SOX5: variants seen among roughly 807,000 people sequenced by gnomAD.
SOX5 encodes SRY-box transcription factor 5, also known as transcription factor SOX-5.
In SOX5, 9 loss-of-function variants were observed where a neutral mutation model predicts 92.0. The ratio of observed to expected loss-of-function variants is 0.10; its 90% confidence interval spans 0.06 to 0.17. The LOEUF (loss-of-function observed/expected upper bound fraction) is 0.17, where lower values mean the gene tolerates loss of function less well. SOX5 is among the 10% of genes least tolerant of loss of function. The pLI is 1.00. For missense variants in SOX5, 642 were observed against 944.5 expected, an observed-to-expected ratio of 0.68 and a Z score of 4.20; for synonymous variants, 344 against 336.3, an observed-to-expected ratio of 1.02 and a Z score of -0.25.
At chr12:24,420,907 A>T (rs1965809557) in intron 1 of SOX5, among the ~76,000 whole-genome samples, 1 of 152,300 alleles carries the variant, frequency 6.6e-6, no homozygotes, top group East Asian at 1.9e-4. Context: ...GGAACATGCT[A>T]AACCACACCA....
rs185284831 is a variant in SOX5, at chr12:24,536,385, G to T, written c.-251+25944C>A. 3.0e-3 allele frequency among the ~76,000 whole-genome samples: 450 copies of T among 152,250 alleles called. 5 individuals carry two copies. The South Asian group carries it at 0.033, about 11-fold the overall frequency. ...GATCAAGGCATTTTACTATCAGACCGATTTAAGACCCTTCCCTTCAAAAGC... is the reference window on the plus strand; with the variant it reads ...GATCAAGGCATTTTACTATCAGACCTATTTAAGACCCTTCCCTTCAAAAGC... On this transcript the variant is annotated intron_variant, in intron 1 of 4. Transcript: ENST00000446891.
intron 1 of SOX5, among the ~76,000 whole-genome samples, chr12:24,457,394 T>C (rs1943139211): frequency 6.6e-6 from 1 of 152,190 alleles, no homozygotes; most frequent in South Asian, 2.1e-4. Context: ...CACAGTTAAA[T>C]GTGAGTTTCC....
intron 2 of SOX5, among the ~76,000 whole-genome samples, chr12:23,890,580 A>T (rs2097120565): frequency 6.6e-6 from 1 of 152,110 alleles, no homozygotes; most frequent in South Asian, 2.1e-4. Flanking sequence ...GTCACCATAG[A>T]GTTACCCCAG....
chr12:24,505,687 T>C (rs151104070), intron 1 of SOX5, among the ~76,000 whole-genome samples: 2 of 152,344 alleles, frequency 1.3e-5, no homozygotes, highest in East Asian at 3.9e-4. Context: ...TTTAATTTTA[T>C]GGGCAATTAT....
intron 1 of SOX5, among the ~76,000 whole-genome samples, chr12:24,371,792 A>G (rs2136268939): frequency 1.3e-5 from 2 of 152,350 alleles, no homozygotes; most frequent in Middle Eastern, 3.4e-3. Flanking sequence ...GTTCCAGACC[A>G]GCCTATCCAA....
At chr12:24,315,422 A>G (rs1481456771) in intron 2 of SOX5, among the ~76,000 whole-genome samples, 1 of 152,194 alleles carries the variant, frequency 6.6e-6, no homozygotes, top group Non-Finnish European at 1.5e-5. Context: ...AAGGGAAAAA[A>G]TACAGAAACT....
At chr12:24,521,200 G>A (rs781332714) in intron 1 of SOX5, among the ~76,000 whole-genome samples, 4 of 152,080 alleles carry the variant, frequency 2.6e-5, no homozygotes, top group South Asian at 2.1e-4. Flanking sequence ...GATTACAGGC[G>A]TTTGCCACCA....
At chr12:23,601,119 G>A (rs1024464926) in intron 9 of SOX5, among the ~76,000 whole-genome samples, 4 of 151,864 alleles carry the variant, frequency 2.6e-5, no homozygotes, top group Non-Finnish European at 4.4e-5. Flanking sequence ...TTTCTCTCTC[G>A]CGCACACACT....
intron 8 of SOX5, among the ~76,000 whole-genome samples, chr12:23,612,404 T>G (rs1428068477): frequency 6.6e-6 from 1 of 152,102 alleles, no homozygotes; most frequent in Non-Finnish European, 1.5e-5. Flanking sequence ...TAATCCTTTT[T>G]CATCCTCAGT....
chr12:24,480,074 T>C (rs1363732694), intron 1 of SOX5, among the ~76,000 whole-genome samples: 1 of 152,172 alleles, frequency 6.6e-6, no homozygotes, highest in Non-Finnish European at 1.5e-5. Flanking sequence ...GGTAATCGAA[T>C]GGAACAGAAT....
At position 23,970,841 on chromosome 12, in the gene SOX5, A is replaced by ATTTTTTTTTTTT. The variant is rs1555456188; in HGVS notation, c.-1-74829_-1-74818dup. ...ACATGGGACTTTATATATATATATA[A>ATTTTTTTTTTTT]TTTTTTTTTTTTTTTAAGAAATGGG... On this transcript the variant is annotated intron_variant, in intron 4 of 4. Transcript: ENST00000446891. 4.6e-4 allele frequency among the ~76,000 whole-genome samples: 10 copies of ATTTTTTTTTTTT among 21,884 alleles called. 3 individuals carry two copies. The highest frequency in any genetic ancestry group is 2.2e-3 in the South Asian group (1 of 454). 14.4% of individuals were successfully genotyped at this position (21,884 alleles called of 152,430 possible).
At chr12:23,854,975 A>G (rs557017858) in intron 2 of SOX5, among the ~76,000 whole-genome samples, 7 of 152,234 alleles carry the variant, frequency 4.6e-5, no homozygotes, top group Admixed American at 6.5e-5. Flanking sequence ...CAAGAGCTAT[A>G]TAAGTGTTTG....
intron 3 of SOX5, among the ~76,000 whole-genome samples, chr12:24,215,283 C>T (rs1959077642): frequency 6.6e-6 from 1 of 151,968 alleles, no homozygotes; most frequent in Admixed American, 6.6e-5. Context: ...GAAAAGGCAT[C>T]CAGGCTGGAA....
chr12:24,332,231 C>A (rs1427140935), intron 2 of SOX5, among the ~76,000 whole-genome samples: 1 of 152,096 alleles, frequency 6.6e-6, no homozygotes, highest in Non-Finnish European at 1.5e-5. Flanking sequence ...GAGGAAAAAA[C>A]CACGTTACCT....
chr12:23,561,461 G>T lies in SOX5; in HGVS notation c.1488+1797C>A, dbSNP rs145248900. 4.9e-3 allele frequency among the ~76,000 whole-genome samples: 742 copies of T among 152,274 alleles called. 5 individuals are homozygous for T. The highest frequency in any genetic ancestry group is 0.017 in the African/African-American group (720 of 41,546). On this transcript the variant is annotated intron_variant, in intron 11 of 14. Transcript: ENST00000451604. ...ACAACAGCTGATCTGTATTAGAGAAGATTAACTCACAGTGCCATGGTGGAA... is the reference window on the plus strand; with the variant it reads ...ACAACAGCTGATCTGTATTAGAGAATATTAACTCACAGTGCCATGGTGGAA...
At chr12:24,514,950 G>A (rs754755493) in intron 1 of SOX5, among the ~76,000 whole-genome samples, 5 of 152,096 alleles carry the variant, frequency 3.3e-5, no homozygotes, top group Non-Finnish European at 7.4e-5. Flanking sequence ...TGGGTACTAG[G>A]CTTAATACCT....
chr12:23,683,692 G>T (rs960954410), intron 6 of SOX5, among the ~76,000 whole-genome samples: 1 of 151,862 alleles, frequency 6.6e-6, no homozygotes, highest in African/African-American at 2.4e-5. Flanking sequence ...GCAATAGAAA[G>T]CTATTTCAAA....
intron 3 of SOX5, among the ~76,000 whole-genome samples, chr12:24,217,415 A>G (rs933298117): frequency 6.6e-6 from 1 of 152,236 alleles, no homozygotes; most frequent in Non-Finnish European, 1.5e-5. Context: ...TCTTCAATAA[A>G]TTATTCTGGG....
At chr12:23,793,559 A>C (rs1457591714) in intron 3 of SOX5, among the ~76,000 whole-genome samples, 1 of 152,204 alleles carries the variant, frequency 6.6e-6, no homozygotes, top group Non-Finnish European at 1.5e-5. Flanking sequence ...GGGAATTCTA[A>C]AAAGTGCCTT....
Sources: allele counts gnomAD v4.1 joint callset (sites outside exome capture counted in the v4.1 genomes callset), GRCh38; gene constraint gnomAD v4.1.1; transcripts MANE v1.5; gene names NCBI Gene and HGNC (gene_info 2026-07-23, HGNC 2026-07-21).